PTPRT: variants seen among roughly 807,000 people sequenced by gnomAD.
The protein encoded by PTPRT is receptor-type tyrosine-protein phosphatase T.
In PTPRT, 56 loss-of-function variants were observed where a neutral mutation model predicts 176.8. The ratio of observed to expected loss-of-function variants is 0.32; its 90% CI spans 0.26 to 0.40. The LOEUF is 0.40. Ranked by LOEUF, PTPRT falls within the 10% of genes least tolerant of loss-of-function variation. The probability of loss-of-function intolerance (pLI) is 1.00; values close to 1 mark genes in which losing one functional copy is unlikely to be tolerated. For synonymous variants in PTPRT, 783 were observed against 739.0 expected, an observed-to-expected ratio of 1.06 and a Z score of -0.96; for missense variants, 1,540 against 1,908.2, an observed-to-expected ratio of 0.81 and a Z score of 3.60.
At chr20:42,119,012 G>T (rs1396438377) in intron 20 of PTPRT, among the ~76,000 whole-genome samples, 1 of 29,178 alleles carries the variant, frequency 3.4e-5, no homozygotes, top group African/African-American at 7.8e-5. Context: ...CAGAAAGGAA[G>T]GAAAAAAAAA....
chr20:42,873,022 C>A (rs568658515), intron 2 of PTPRT, among the ~76,000 whole-genome samples: 3 of 152,304 alleles, frequency 2.0e-5, no homozygotes, highest in Non-Finnish European at 2.9e-5. Flanking sequence ...ACAGGAAGAA[C>A]AGAGCTAGAG....
At chr20:42,375,547 C>T (rs980788012) in intron 9 of PTPRT, among the ~76,000 whole-genome samples, 5 of 152,202 alleles carry the variant, frequency 3.3e-5, no homozygotes, top group African/African-American at 1.2e-4. Context: ...CCTCACCAGA[C>T]ACCAAACCTG....
chr20:43,170,982 G>C (rs1226837603), intron 1 of PTPRT, among the ~76,000 whole-genome samples: 1 of 152,214 alleles, frequency 6.6e-6, no homozygotes. Flanking sequence ...AACCAGGTTT[G>C]TCCAGTTAAC....
At chr20:42,330,529 A>G (rs1304133883) in intron 11 of PTPRT, among the ~76,000 whole-genome samples, 2 of 152,018 alleles carry the variant, frequency 1.3e-5, no homozygotes, top group African/African-American at 4.8e-5. Context: ...CAACAGCTCT[A>G]TTAGCTTATG....
intron 12 of PTPRT, among the ~76,000 whole-genome samples, chr20:42,298,830 A>T (rs921924346): frequency 1.3e-5 from 2 of 152,156 alleles, no homozygotes; most frequent in African/African-American, 4.8e-5. Flanking sequence ...CTGAGCCAGG[A>T]GAATGGCTGG....
intron 2 of PTPRT, among the ~76,000 whole-genome samples, chr20:42,868,841 C>A (rs890066272): frequency 6.6e-6 from 1 of 152,180 alleles, no homozygotes; most frequent in African/African-American, 2.4e-5. Context: ...GGATCTTGGG[C>A]ACCCATGAGA....
chr20:42,634,122 TTA>T (rs35410541), intron 7 of PTPRT, among the ~76,000 whole-genome samples: 25,937 of 75,620 alleles, frequency 0.34, 5,940 homozygotes, highest in African/African-American at 0.63. Flanking sequence ...ATATAATATA[TTA>T]TATATATAAT....
intron 9 of PTPRT, among the ~76,000 whole-genome samples, chr20:42,432,930 T>C (rs2059228093): frequency 6.6e-6 from 1 of 152,206 alleles, no homozygotes; most frequent in Non-Finnish European, 1.5e-5. Context: ...TCTCAGGATC[T>C]CTTGAGACTG....
chr20:42,287,579 T>TC (rs753786895), intron 12 of PTPRT, among the ~76,000 whole-genome samples: 10 of 151,482 alleles, frequency 6.6e-5, no homozygotes, highest in Non-Finnish European at 1.3e-4. Context: ...GGTTAGGAAG[T>TC]GGAGAGAGAG....
chr20:42,458,131 C>G (rs957313173), intron 8 of PTPRT, among the ~76,000 whole-genome samples: 1 of 152,152 alleles, frequency 6.6e-6, no homozygotes, highest in Non-Finnish European at 1.5e-5. Flanking sequence ...TTGGGACTCC[C>G]TCTCCCATGA....
intron 1 of PTPRT, among the ~76,000 whole-genome samples, chr20:43,019,696 G>C (rs540362118): frequency 1.3e-5 from 2 of 151,600 alleles, no homozygotes; most frequent in Non-Finnish European, 2.9e-5. Flanking sequence ...ACTGATGTGT[G>C]AGTCCATGGA....
intron 16 of PTPRT, among the ~76,000 whole-genome samples, chr20:42,172,828 A>C (rs929025689): frequency 1.3e-5 from 2 of 152,164 alleles, no homozygotes; most frequent in African/African-American, 4.8e-5. Flanking sequence ...CCTCTCATGC[A>C]ATGGAACACT....
chr20:42,562,565 T>C (rs1437452524), intron 7 of PTPRT, among the ~76,000 whole-genome samples: 1 of 152,248 alleles, frequency 6.6e-6, no homozygotes, highest in Non-Finnish European at 1.5e-5. Flanking sequence ...TTACCAACAT[T>C]CTTATGTGGG....
At chr20:42,177,740 G>A (rs965441624) in intron 16 of PTPRT, among the ~76,000 whole-genome samples, 1 of 151,986 alleles carries the variant, frequency 6.6e-6, no homozygotes, top group Admixed American at 6.6e-5. Context: ...ACCATTTTAT[G>A]GGGGGGCAGG....
intron 11 of PTPRT, among the ~76,000 whole-genome samples, chr20:42,329,490 C>CACACACACACACAT (rs1206292486): frequency 7.2e-6 from 1 of 139,648 alleles, no homozygotes; most frequent in Non-Finnish European, 1.6e-5. Context: ...CACACACACA[C>CACACACACACACAT]ACACACACAC....
intron 18 of PTPRT, among the ~76,000 whole-genome samples, chr20:42,133,189 G>A (rs760450988): frequency 2.1e-4 from 32 of 152,082 alleles, no homozygotes; most frequent in Non-Finnish European, 3.1e-4. Context: ...TAAGTGTTCT[G>A]AGCATGTTTA....
At chr20:43,096,124 T>A (rs1444258856) in intron 1 of PTPRT, among the ~76,000 whole-genome samples, 2 of 139,060 alleles carry the variant, frequency 1.4e-5, no homozygotes, top group Middle Eastern at 3.6e-3. Flanking sequence ...CTCCTCTCTC[T>A]CCCTCTCTTC....
intron 6 of PTPRT, among the ~76,000 whole-genome samples, chr20:42,716,849 T>G (rs1459886327): frequency 6.6e-6 from 1 of 152,112 alleles, no homozygotes; most frequent in African/African-American, 2.4e-5. Flanking sequence ...TGGAATACTA[T>G]GCAGCCATAA....
intron 15 of PTPRT, among the ~76,000 whole-genome samples, chr20:42,225,115 T>TAACC (rs1405971712): frequency 6.6e-6 from 1 of 152,336 alleles, no homozygotes; most frequent in East Asian, 1.9e-4. Context: ...GGAGGAGGGT[T>TAACC]GTCTTACCCA....
Sources: allele counts gnomAD v4.1 joint callset (sites outside exome capture counted in the v4.1 genomes callset), GRCh38; gene constraint gnomAD v4.1.1; transcripts MANE v1.5; gene names NCBI Gene and HGNC (gene_info 2026-07-23, HGNC 2026-07-21).